Variants in LMAN1 observed in about 807,000 individuals in gnomAD.
LMAN1 encodes lectin, mannose binding 1.
In LMAN1, 32 loss-of-function variants were observed where a neutral mutation model predicts 67.8. The ratio of observed to expected loss-of-function variants is 0.47; its 90% CI spans 0.36 to 0.63. LMAN1 has a LOEUF of 0.63. LMAN1 is among the 30% of genes least tolerant of loss of function. The pLI, the probability that LMAN1 is intolerant of heterozygous loss-of-function variation, is 0.00. For synonymous variants in LMAN1, 235 were observed against 219.3 expected (o/e 1.07, Z -0.63); for missense variants, 632 against 628.2 (o/e 1.01, Z -0.06).
At chr18:59,349,089 A>T (rs1290059702) in intron 6 of LMAN1, 24 bp downstream of exon 6, 2 of 1,613,746 alleles carry the variant, frequency 1.2e-6, no homozygotes, top group Non-Finnish European at 1.7e-6. Context: ...CAAACTTTTA[A>T]TATCATCAGA....
intron 8 of LMAN1, among the ~76,000 whole-genome samples, chr18:59,339,879 C>T (rs12955682): frequency 0.09 from 13,732 of 152,064 alleles, 739 homozygotes; most frequent in Middle Eastern, 0.14. Context: ...CAAGGTGAAA[C>T]ACTGAGAGTT....
intron 6 of LMAN1, among the ~76,000 whole-genome samples, chr18:59,348,117 C>A (rs1260727945): frequency 6.6e-6 from 1 of 152,166 alleles, no homozygotes; most frequent in Non-Finnish European, 1.5e-5. Flanking sequence ...AAAATCATAT[C>A]AAAAAATCAA....
chr18:59,333,022 T>G, intron 11 of LMAN1, 69 bp downstream of exon 11: 1 of 1,281,810 alleles, frequency 7.8e-7, no homozygotes, highest in Non-Finnish European at 1.1e-6. Context: ...GTTAAAATAC[T>G]TGCAGTAGAG....
At chr18:59,343,698 C>T (rs1301217680) in intron 8 of LMAN1, among the ~76,000 whole-genome samples, 1 of 151,932 alleles carries the variant, frequency 6.6e-6, no homozygotes, top group Non-Finnish European at 1.5e-5. Context: ...CATACAAATC[C>T]TAAAAGAAAA....
chr18:59,353,793 G>C (rs1411425787), intron 4 of LMAN1, among the ~76,000 whole-genome samples: 1 of 152,168 alleles, frequency 6.6e-6, no homozygotes, highest in East Asian at 1.9e-4. Flanking sequence ...ATTGGTTCCA[G>C]GACCCCTGTG....
At chr18:59,355,288 A>G (rs367987505) in intron 3 of LMAN1, 25 bp downstream of exon 3, 51 of 1,521,090 alleles carry the variant, frequency 3.4e-5, no homozygotes, top group Middle Eastern at 1.7e-4. Context: ...ATTAAAGTGG[A>G]TAACAGTCCT....
In LMAN1 at chr18:59,329,077, G is replaced by C. The variant is rs1159489717; in HGVS notation, c.*2016C>G. On this transcript the variant is annotated 3_prime_UTR_variant, in exon 13 of 13. Coordinates refer to ENST00000251047, the MANE Select transcript of LMAN1 (RefSeq NM_005570.4). The stretch of plus-strand genomic sequence containing the variant: ...ATTTTTCCACAGAGCAAACCTTTTT[G>C]TTCAGAAATGAGCTCCTTAAAGTCA... 6.6e-6 allele frequency: 1 copy of C among 152,134 alleles called. No individual in the cohort carries two copies. Among genetic ancestry groups the C allele is most frequent in the Non-Finnish European group, 1.5e-5 (1 of 67,990 alleles). The allele number at this position is 152,134 out of a possible 1,614,324, so 9.4% of individuals were successfully genotyped here.
intron 8 of LMAN1, among the ~76,000 whole-genome samples, chr18:59,342,124 A>G (rs565491310): frequency 1.2e-4 from 19 of 152,206 alleles, no homozygotes; most frequent in Non-Finnish European, 2.1e-4. Flanking sequence ...TGAGACTGAA[A>G]CAGGAAGAAA....
rs1003063599 is a variant in LMAN1 at position 59,331,680 on chromosome 18, T to G, written c.1375-141A>C. The G allele has an allele frequency of 3.3e-6, 3 of 921,366 alleles. No homozygotes were observed. The African/African-American group carries it at 5.0e-5, about 15-fold the overall frequency. The allele number at this position is 921,366 out of a possible 1,614,324, so 57.1% of individuals were successfully genotyped here. On this transcript the variant is annotated intron_variant, in intron 11 of 12. Transcript: ENST00000251047. ...ATCCCCCAGAAAACCTTCTATCCCC[T>G]TAACTTTTACTGACAACTGTTTTTG...
chr18:59,355,268 T>C (rs757139053), intron 3 of LMAN1, 45 bp downstream of exon 3: 8 of 1,386,964 alleles, frequency 5.8e-6, no homozygotes, highest in African/African-American at 5.7e-5. Flanking sequence ...CTAACTCTGT[T>C]GATAGATGTA....
intron 5 of LMAN1, among the ~76,000 whole-genome samples, chr18:59,350,382 T>C (rs1338060748): frequency 1.3e-5 from 2 of 152,224 alleles, no homozygotes; most frequent in Non-Finnish European, 2.9e-5. Context: ...TGTAGATTAT[T>C]ACATTCAAAT....
chr18:59,334,555 G>A (rs556731207), intron 10 of LMAN1, among the ~76,000 whole-genome samples: 6 of 152,286 alleles, frequency 3.9e-5, no homozygotes, highest in Admixed American at 2.0e-4. Context: ...TGGACAGAAC[G>A]CTTGAAAAGA....
At chr18:59,350,139 A>T (rs1448822404) in intron 5 of LMAN1, among the ~76,000 whole-genome samples, 1 of 152,232 alleles carries the variant, frequency 6.6e-6, no homozygotes, top group African/African-American at 2.4e-5. Context: ...AAATCTGTCA[A>T]TATGAAGAGT....
chr18:59,339,512 T>C (rs1254653612), intron 8 of LMAN1, among the ~76,000 whole-genome samples: 1 of 152,118 alleles, frequency 6.6e-6, no homozygotes, highest in Non-Finnish European at 1.5e-5. Flanking sequence ...AGGAGAAACC[T>C]CTGACCCACT....
intron 8 of LMAN1, 115 bp downstream of exon 8, chr18:59,345,804 G>T: frequency 8.4e-7 from 1 of 1,194,072 alleles, no homozygotes; most frequent in Non-Finnish European, 1.2e-6. Flanking sequence ...GAAATCACTT[G>T]GAATGTGCCT....
At position 59,359,263 on chromosome 18, in the gene LMAN1, G is replaced by T; in HGVS notation, c.-19C>A. The T allele has an allele frequency of 6.2e-7, 1 of 1,612,674 alleles. No individual in the cohort carries two copies. The highest frequency in any genetic ancestry group is 1.1e-5 in the South Asian group (1 of 91,018). On this transcript the variant is annotated 5_prime_UTR_variant, in exon 1 of 13. Coordinates refer to ENST00000251047, the MANE Select transcript of LMAN1 (RefSeq NM_005570.4). ...CCGCCATCTTGGATTCTGGAACGCGGAGGAGGGCGGGAGAGGGAGGGGCGC... is the reference window on the plus strand; with the variant it reads ...CCGCCATCTTGGATTCTGGAACGCGTAGGAGGGCGGGAGAGGGAGGGGCGC...
intron 7 of LMAN1, among the ~76,000 whole-genome samples, chr18:59,346,827 G>C (rs1268470289): frequency 6.6e-6 from 1 of 151,894 alleles, no homozygotes; most frequent in African/African-American, 2.4e-5. Flanking sequence ...GCCTACTCTT[G>C]CCTCTAATAA....
At position 59,354,506 on chromosome 18, in the gene LMAN1, AAC is replaced by A. The variant is rs3835325; in HGVS notation, c.539+11_539+12del. The A allele has an allele frequency of 0.15, 216,159 of 1,430,510 alleles. 17,657 individuals carry two copies. Among genetic ancestry groups the A allele is most frequent in the Admixed American group, 0.17 (9,933 of 59,458 alleles). 88.6% of individuals were successfully genotyped at this position (1,430,510 alleles called of 1,614,324 possible). ...AGCTGAAATCAGGAGTAATGTAAAA[AAC>A]ACACACTTACTTTTGATGGTCATAA... On this transcript the variant is annotated intron_variant, in intron 4 of 12. Transcript: ENST00000251047.
intron 8 of LMAN1, among the ~76,000 whole-genome samples, chr18:59,339,561 G>C (rs1908240440): frequency 6.6e-6 from 1 of 152,154 alleles, no homozygotes; most frequent in Admixed American, 6.5e-5. Flanking sequence ...CCTAAATATT[G>C]CACAGAGATG....
Sources: allele counts gnomAD v4.1 joint callset (sites outside exome capture counted in the v4.1 genomes callset), GRCh38; gene constraint gnomAD v4.1.1; transcripts MANE v1.5; gene names NCBI Gene and HGNC (gene_info 2026-07-23, HGNC 2026-07-21).